GNA12: variants seen among roughly 807,000 people sequenced by gnomAD.
The protein encoded by GNA12 is G protein subunit alpha 12.
GNA12 carries 9 observed loss-of-function variants against 26.0 expected under a neutral mutation model. The observed-to-expected ratio is 0.35, with a 90% CI of 0.21 to 0.60. The LOEUF (loss-of-function observed/expected upper bound fraction) is 0.60, where lower values mean the gene tolerates loss of function less well. GNA12 is among the 20% of genes least tolerant of loss of function. GNA12 has a pLI of 0.78. For synonymous variants in GNA12, 264 were observed against 219.6 expected, an observed-to-expected ratio of 1.20 and a Z score of -1.79; for missense variants, 405 against 525.8, an observed-to-expected ratio of 0.77 and a Z score of 2.25.
rs143758058 is a variant in GNA12, at chr7:2,796,880, C to G, written c.310-1737G>C. The stretch of plus-strand genomic sequence containing the variant: ...GCAGTTAGGAGGTCTGTTCCACCAT[C>G]CTTAGACTAATGTTTCGAAATCAGC... On this transcript the variant is annotated intron_variant, in intron 1 of 3. Transcript: ENST00000275364. 9.2e-5 allele frequency among the ~76,000 whole-genome samples: 14 copies of G among 152,308 alleles called. No homozygotes were observed. In the East Asian group the frequency reaches 2.1e-3, roughly 23 times the overall value.
rs1779097521 is a variant in GNA12, at chr7:2,844,165, C to T, written c.-4G>A. 1 of 983,458 alleles carries T rather than the reference C, an allele frequency of 1.0e-6. No individual in the cohort carries two copies. Among genetic ancestry groups the T allele is most frequent in the Non-Finnish European group, 1.2e-6 (1 of 830,012 alleles). The allele number at this position is 983,458 out of a possible 1,614,324, so 60.9% of individuals were successfully genotyped here. A position where few individuals can be genotyped will look rare whatever the true frequency, so the allele number is the denominator to read the frequency against. ...GGGTCCGCACCACCCCGGACATGGC[C>T]CCTCAGGCCGCGGCCGCGCCCCGCC... is the stretch of plus-strand genomic sequence containing the variant. On this transcript the variant is annotated 5_prime_UTR_variant, in exon 1 of 4. Transcript: ENST00000275364.
intron 2 of GNA12, among the ~76,000 whole-genome samples, chr7:2,755,692 AT>A (rs1356507333): frequency 5.9e-5 from 9 of 152,138 alleles, no homozygotes; most frequent in Non-Finnish European, 1.2e-4. Flanking sequence ...GAACAGTCAT[AT>A]TTCTTTTTCT....
At chr7:2,842,422 T>C (rs1380514725) in intron 1 of GNA12, among the ~76,000 whole-genome samples, 1 of 152,090 alleles carries the variant, frequency 6.6e-6, no homozygotes, top group East Asian at 1.9e-4. Flanking sequence ...CCTCAGCCGC[T>C]CAAGCAACTG....
At chr7:2,733,620 A>C (rs1790012010) in intron 2 of GNA12, 119 bp from the exon 3 acceptor site, 2 of 735,518 alleles carry the variant, frequency 2.7e-6, no homozygotes, top group South Asian at 3.0e-5. Flanking sequence ...ATGGGAAAGC[A>C]AAGGAAAAAG....
chr7:2,799,390 G>A (rs1792754244), intron 1 of GNA12, among the ~76,000 whole-genome samples: 1 of 152,132 alleles, frequency 6.6e-6, no homozygotes, highest in South Asian at 2.1e-4. Context: ...GACCAGCCTG[G>A]GCAACATAGT....
intron 2 of GNA12, among the ~76,000 whole-genome samples, chr7:2,777,238 G>A (rs1251511534): frequency 1.3e-5 from 2 of 152,196 alleles, no homozygotes; most frequent in East Asian, 1.9e-4. Context: ...AGAAAAGGAG[G>A]ACTAGTAGCA....
chr7:2,799,034 C>G (rs886378108), intron 1 of GNA12, among the ~76,000 whole-genome samples: 1 of 152,178 alleles, frequency 6.6e-6, no homozygotes, highest in African/African-American at 2.4e-5. Flanking sequence ...AAATGTAGAA[C>G]TATATATAAC....
At chr7:2,764,764 T>C (rs986027834) in intron 2 of GNA12, 2 of 152,358 alleles carry the variant, frequency 1.3e-5, no homozygotes, top group African/African-American at 2.4e-5. Context: ...TGAAGCAGCA[T>C]CTGAAGTCCC....
intron 2 of GNA12, among the ~76,000 whole-genome samples, chr7:2,783,683 T>C (rs1792289319): frequency 8.2e-6 from 1 of 122,346 alleles, no homozygotes; most frequent in African/African-American, 3.3e-5. Flanking sequence ...TATTTATTTA[T>C]TTATTTATTT....
At chr7:2,811,244 A>G (rs11765726) in intron 1 of GNA12, among the ~76,000 whole-genome samples, 18,707 of 151,676 alleles carry the variant, frequency 0.12, 1,225 homozygotes, top group Middle Eastern at 0.27. Context: ...TTCTGTGCAC[A>G]ACATCTACAC....
chr7:2,737,269 GTTTTGTTTTTTTTT>G (rs1328800927), intron 2 of GNA12, among the ~76,000 whole-genome samples: 3 of 38,128 alleles, frequency 7.9e-5, no homozygotes, highest in African/African-American at 2.8e-4. Flanking sequence ...TCACAGTTTT[GTTTTGTTTTTTTTT>G]TTTTTGTTTT....
intron 3 of GNA12, among the ~76,000 whole-genome samples, chr7:2,732,482 G>T (rs1167263988): frequency 6.6e-6 from 1 of 152,122 alleles, no homozygotes; most frequent in Non-Finnish European, 1.5e-5. Flanking sequence ...GGAGGTTGAG[G>T]CTACAATGAG....
intron 1 of GNA12, among the ~76,000 whole-genome samples, chr7:2,843,472 C>T (rs954670379): frequency 6.6e-6 from 1 of 151,990 alleles, no homozygotes; most frequent in Non-Finnish European, 1.5e-5. Context: ...CAGCAAGACC[C>T]CATCTCTACA....
intron 2 of GNA12, among the ~76,000 whole-genome samples, chr7:2,735,468 G>A (rs17132594): frequency 0.11 from 17,339 of 152,148 alleles, 1,096 homozygotes; most frequent in Middle Eastern, 0.19. Context: ...CACGTGCTCC[G>A]CCCAGATAGT....
rs1792624640 is a variant in GNA12, at chr7:2,795,076, T to G, written c.377A>C (p.Lys126Thr). The change falls in exon 2 of 4, where the codon AAG (lysine) becomes ACG (threonine). Residue 126 changes from lysine to threonine, a missense_variant. Lys to Thr is a moderately conservative substitution (Grantham distance 78). Coordinates refer to ENST00000275364, the MANE Select transcript of GNA12 (RefSeq NM_007353.3). The part of the protein sequence containing the change: ...GIPWQYSENE[K>T]HGMFLMAFEN... The stretch of plus-strand genomic sequence containing the variant: ...GAAGGCCATCAGGAACATCCCATGC[T>G]TCTCATTTTCAGAATACTGCCAAGG... 1 of 1,613,814 alleles carries G rather than the reference T, an allele frequency of 6.2e-7. No individual in the cohort carries two copies. The highest frequency in any genetic ancestry group is 1.3e-5 in the African/African-American group (1 of 74,902).
chr7:2,783,835 C>T (rs2115439683), intron 2 of GNA12, among the ~76,000 whole-genome samples: 1 of 152,112 alleles, frequency 6.6e-6, no homozygotes, highest in Non-Finnish European at 1.5e-5. Flanking sequence ...CAGGCACCCA[C>T]CACCATGTCT....
At chr7:2,760,713 C>G (rs1230648167) in intron 2 of GNA12, among the ~76,000 whole-genome samples, 1 of 152,230 alleles carries the variant, frequency 6.6e-6, no homozygotes, top group Non-Finnish European at 1.5e-5. Context: ...CTACAGGCAG[C>G]TTATCCAGAG....
At chr7:2,816,797 G>A (rs1793228774) in intron 1 of GNA12, among the ~76,000 whole-genome samples, 1 of 152,076 alleles carries the variant, frequency 6.6e-6, no homozygotes, top group Admixed American at 6.5e-5. Context: ...TCTTAAGAGC[G>A]GCCAGGAGAC....
At chr7:2,842,794 T>A (rs554044577) in intron 1 of GNA12, among the ~76,000 whole-genome samples, 1 of 152,306 alleles carries the variant, frequency 6.6e-6, no homozygotes, top group Admixed American at 6.5e-5. Context: ...TGCGGTTGTG[T>A]TTTTACATGG....
Sources: allele counts gnomAD v4.1 joint callset (sites outside exome capture counted in the v4.1 genomes callset), GRCh38; gene constraint gnomAD v4.1.1; transcripts MANE v1.5; gene names NCBI Gene and HGNC (gene_info 2026-07-23, HGNC 2026-07-21).